Variants in PRRC2C observed in about 807,000 individuals in gnomAD.
PRRC2C encodes proline rich coiled-coil 2C, also known as protein PRRC2C.
PRRC2C carries 72 observed loss-of-function variants against 317.2 expected under a neutral mutation model. The observed-to-expected ratio is 0.23, with a 90% confidence interval of 0.19 to 0.28. The LOEUF is 0.28. Among genes scored for constraint, PRRC2C ranks in the 10% least tolerant of loss-of-function variants. The pLI, the probability that PRRC2C is intolerant of heterozygous loss-of-function variation, is 1.00. For missense variants in PRRC2C, 3,074 were observed against 3,459.7 expected (o/e 0.89, Z 2.80); for synonymous variants, 1,296 against 1,205.9 (o/e 1.07, Z -1.55).
At position 171,557,300 on chromosome 1, in the gene PRRC2C, A is replaced by G; in HGVS notation, c.5188A>G (p.Arg1730Gly). ...GRSQTSKLPP[R>G]FAKKQATGIQ... ...AAGCCAGACTTCTAAGCTTCCTCCA[A>G]GATTTGCCAAAAAACAGGCTACAGG... Residue 1730 changes from arginine to glycine, a missense_variant, in exon 19 of 35, where the codon AGA (arginine) becomes GGA (glycine). Arg to Gly is a moderately radical substitution (Grantham distance 125). Coordinates refer to ENST00000647382, the MANE Select transcript of PRRC2C (RefSeq NM_001387844.1). The G allele has an allele frequency of 6.4e-7, 1 of 1,552,036 alleles. No individual in the cohort carries two copies. The highest frequency in any genetic ancestry group is 2.4e-5 in the East Asian group (1 of 40,920).
intron 1 of PRRC2C, among the ~76,000 whole-genome samples, chr1:171,501,240 C>T (rs977985511): frequency 2.6e-5 from 4 of 152,116 alleles, no homozygotes; most frequent in South Asian, 2.1e-4. Context: ...AGCAGTCCTC[C>T]GTGCCTCAGC....
chr1:171,586,649 C>T (rs1362180197), intron 30 of PRRC2C, among the ~76,000 whole-genome samples: 8 of 150,192 alleles, frequency 5.3e-5, no homozygotes, highest in African/African-American at 9.8e-5. Flanking sequence ...GGCAGGATCT[C>T]GGCTCACTGC....
chr1:171,515,687 C>A, intron 4 of PRRC2C, 47 bp from the exon 5 acceptor site: 2 of 1,442,394 alleles, frequency 1.4e-6, no homozygotes, highest in South Asian at 1.4e-5. Flanking sequence ...TTTGTATTAT[C>A]TTCAGTATAA....
intron 1 of PRRC2C, among the ~76,000 whole-genome samples, chr1:171,497,418 G>A (rs1203214141): frequency 6.6e-6 from 1 of 152,134 alleles, no homozygotes; most frequent in African/African-American, 2.4e-5. Flanking sequence ...GTAATTTTCA[G>A]TGATTTAGGC....
intron 28 of PRRC2C, 78 bp downstream of exon 28, chr1:171,580,042 T>C: frequency 7.8e-7 from 1 of 1,277,094 alleles, no homozygotes; most frequent in Non-Finnish European, 1.0e-6. Context: ...TAATCCATAC[T>C]GTTCCTTCCC....
intron 16 of PRRC2C, among the ~76,000 whole-genome samples, chr1:171,544,224 A>G (rs1317759700): frequency 6.6e-6 from 1 of 152,140 alleles, no homozygotes; most frequent in African/African-American, 2.4e-5. Flanking sequence ...GCTGGGTTCA[A>G]GCATTTCTCC....
chr1:171,575,146 T>A lies in PRRC2C; in HGVS notation c.6955+18T>A. The A allele has an allele frequency of 6.3e-7, 1 of 1,595,784 alleles. No homozygotes were observed. Among genetic ancestry groups the A allele is most frequent in the Non-Finnish European group, 8.6e-7 (1 of 1,167,148 alleles). ...ACTATCAGGTAGAACTTTTTCGTTCTGTTTCTTTAAATATCTTACATTATT... is the reference window on the plus strand; with the variant it reads ...ACTATCAGGTAGAACTTTTTCGTTCAGTTTCTTTAAATATCTTACATTATT... On this transcript the variant is annotated intron_variant, in intron 25 of 34. Coordinates refer to ENST00000647382, the MANE Select transcript of PRRC2C (RefSeq NM_001387844.1).
At position 171,523,346 on chromosome 1, in the gene PRRC2C, G is replaced by A. The variant is rs1412039554; in HGVS notation, c.959G>A (p.Gly320Asp). 1 of 1,613,966 alleles carries A rather than the reference G, an allele frequency of 6.2e-7. No individual in the cohort carries two copies. Among genetic ancestry groups the A allele is most frequent in the Non-Finnish European group, 8.5e-7 (1 of 1,179,880 alleles). ...FDNLDAEADEGWAGAQMEVDY... is the reference protein window; with the variant it reads ...FDNLDAEADEDWAGAQMEVDY... ...AACCTAGATGCTGAAGCTGATGAAGGTTGGGCAGGTAAGAGGCAAAATTAA... is the reference window on the plus strand; with the variant it reads ...AACCTAGATGCTGAAGCTGATGAAGATTGGGCAGGTAAGAGGCAAAATTAA... The change falls in exon 8 of 35, where the codon GGT becomes GAT. Residue 320 changes from glycine to aspartate, a missense_variant. Gly to Asp is a moderately conservative substitution (Grantham distance 94). Transcript: ENST00000647382.
chr1:171,502,589 C>A (rs1310024049), intron 1 of PRRC2C, among the ~76,000 whole-genome samples: 2 of 152,230 alleles, frequency 1.3e-5, no homozygotes, highest in African/African-American at 4.8e-5. Context: ...AAGGCAGGGG[C>A]ATCATCTGTA....
chr1:171,518,661 C>CTTTT lies in PRRC2C; in HGVS notation c.750+865_750+868dup, dbSNP rs386368727. ...TACAGGCATATGCCACCACACCTGGCTTTTTTTTTTTTTTTTTTTTTGGTA... is the reference window on the plus strand; with the variant it reads ...TACAGGCATATGCCACCACACCTGGCTTTTTTTTTTTTTTTTTTTTTTTTTGGTA... On this transcript the variant is annotated intron_variant, in intron 6 of 34. Coordinates refer to ENST00000647382, the MANE Select transcript of PRRC2C (RefSeq NM_001387844.1). Among the ~76,000 whole-genome samples, 289 of 58,020 alleles carry CTTTT rather than the reference C, an allele frequency of 5.0e-3. 7 individuals carry two copies. The highest frequency in any genetic ancestry group is 0.019 in the Middle Eastern group (1 of 52). 38.1% of individuals were successfully genotyped at this position (58,020 alleles called of 152,430 possible). A position where few individuals can be genotyped will look rare whatever the true frequency, so the allele number is the denominator to read the frequency against.
chr1:171,579,604 T>C, intron 27 of PRRC2C, 138 bp downstream of exon 27: 2 of 1,414,334 alleles, frequency 1.4e-6, no homozygotes, highest in Non-Finnish European at 1.8e-6. Context: ...AAGCAAAATT[T>C]AAAATTTTTC....
intron 28 of PRRC2C, among the ~76,000 whole-genome samples, chr1:171,583,254 A>G (rs1288295190): frequency 6.6e-6 from 1 of 152,152 alleles, no homozygotes; most frequent in African/African-American, 2.4e-5. Flanking sequence ...GATTATGAGC[A>G]TGAACACCAT....
At chr1:171,508,435 A>G (rs1307716523) in intron 1 of PRRC2C, among the ~76,000 whole-genome samples, 1 of 152,232 alleles carries the variant, frequency 6.6e-6, no homozygotes, top group Non-Finnish European at 1.5e-5. Context: ...AAACTGTGGT[A>G]TATCACATTG....
chr1:171,535,489 G>A lies in PRRC2C; in HGVS notation c.1935G>A (p.Val645=). The stretch of plus-strand genomic sequence containing the variant: ...GCAGTGAAAAGGAAGCCACACCAGT[G>A]GTGCATGAAACAGAACCAGAATCAG... The part of the protein sequence containing the change: ...SNRSEKEATP[V]VHETEPESGS... The change falls in exon 13 of 35, where the codon GTG becomes GTA. Residue 645 remains valine (V), a synonymous_variant. Coordinates refer to ENST00000647382, the MANE Select transcript of PRRC2C (RefSeq NM_001387844.1). 1 of 1,613,976 alleles carries A rather than the reference G, an allele frequency of 6.2e-7. No homozygotes were observed. Among genetic ancestry groups the A allele is most frequent in the Non-Finnish European group, 8.5e-7 (1 of 1,179,868 alleles).
chr1:171,561,183 C>A, intron 20 of PRRC2C, 80 bp downstream of exon 20: 1 of 1,329,254 alleles, frequency 7.5e-7, no homozygotes, highest in Non-Finnish European at 1.1e-6. Context: ...TGGCTTACAC[C>A]TGTAATCCTA....
At chr1:171,514,699 C>T in intron 4 of PRRC2C, 54 bp downstream of exon 4, 3 of 1,409,544 alleles carry the variant, frequency 2.1e-6, no homozygotes, top group Non-Finnish European at 2.9e-6. Context: ...ACTGAACAGC[C>T]ATGCAGGAGA....
intron 18 of PRRC2C, among the ~76,000 whole-genome samples, chr1:171,553,137 G>C (rs974539742): frequency 6.6e-6 from 1 of 152,112 alleles, no homozygotes; most frequent in Non-Finnish European, 1.5e-5. Flanking sequence ...CTCAATTTCA[G>C]AGCCTGTTAC....
chr1:171,529,159 A>G (rs905971621), intron 11 of PRRC2C, among the ~76,000 whole-genome samples: 1 of 151,958 alleles, frequency 6.6e-6, no homozygotes, highest in Non-Finnish European at 1.5e-5. Flanking sequence ...TTTGCTTTCT[A>G]TTCCTTCTGG....
chr1:171,561,202 G>A, intron 20 of PRRC2C, 99 bp downstream of exon 20: 1 of 1,194,660 alleles, frequency 8.4e-7, no homozygotes, highest in Non-Finnish European at 1.2e-6. Context: ...TAGCGTGGTG[G>A]GAGGGTTACT....
Sources: gnomAD v4.1 joint callset for allele counts (sites outside exome capture counted in the v4.1 genomes callset) on GRCh38, gnomAD v4.1.1 for gene constraint, MANE v1.5 for transcripts, NCBI Gene and HGNC (gene_info 2026-07-23, HGNC 2026-07-21) for gene names.